The following ZNF275 variants were observed in gnomAD, a reference collection of about 807,000 sequenced individuals.
The protein encoded by ZNF275 is zinc finger protein 275.
A neutral mutation model predicts 4.3 loss-of-function variants in ZNF275; 4 were observed. The observed-to-expected ratio is 0.93, with a 90% CI of 0.46 to 2.13. The LOEUF is 2.13. Among genes scored for constraint, ZNF275 ranks in the 30% most tolerant of loss-of-function variants. The pLI is 0.02. For synonymous variants in ZNF275, 173 were observed against 166.9 expected, an observed-to-expected ratio of 1.04 and a Z score of -0.28; for missense variants, 352 against 397.1, an observed-to-expected ratio of 0.89 and a Z score of 0.97.
chrX:153,336,751 C>T (rs1161353794), intron 2 of ZNF275, 41 bp downstream of exon 2: 15 of 1,155,058 alleles, frequency 1.3e-5, no homozygotes, highest in East Asian at 3.3e-5. Flanking sequence ...CTGGCTTTGA[C>T]GCTGGGCATG....
intron 2 of ZNF275, 75 bp downstream of exon 2, chrX:153,336,785 G>A: frequency 1.9e-6 from 2 of 1,053,078 alleles, no homozygotes; most frequent in African/African-American, 1.9e-5. Flanking sequence ...CTATAGGTGG[G>A]GTTACAACAT....
chrX:153,338,662 GTGTGTGTGTGTGTGT>G (rs2088461647), intron 2 of ZNF275, among the ~76,000 whole-genome samples: 2 of 3,359 alleles, frequency 6.0e-4, no homozygotes, highest in Admixed American at 7.9e-3. Flanking sequence ...TGGGAGGACT[GTGTGTGTGTGTGTGT>G]GTGTGTGTGT....
chrX:153,352,912 A>G lies in ZNF275; in HGVS notation c.*4937A>G, dbSNP rs1372663578. On this transcript the variant is annotated 3_prime_UTR_variant, in exon 4 of 4. Transcript: ENST00000650114. ...TTGCATCAAGTAGATTTCAATAAATATATGTTAAATGGCATTGGTCTTCCT... is the reference window on the plus strand; with the variant it reads ...TTGCATCAAGTAGATTTCAATAAATGTATGTTAAATGGCATTGGTCTTCCT... 2 of 111,708 alleles carry G rather than the reference A, an allele frequency of 1.8e-5. No homozygotes were observed. Among genetic ancestry groups the G allele is most frequent in the Non-Finnish European group, 3.8e-5 (2 of 53,130 alleles). The allele number at this position is 111,708 out of a possible 1,213,427, so 9.2% of individuals were successfully genotyped here.
intron 2 of ZNF275, 27 bp downstream of exon 2, chrX:153,336,737 T>G (rs1405684524): frequency 6.0e-6 from 7 of 1,162,534 alleles, no homozygotes; most frequent in Non-Finnish European, 6.9e-6. Flanking sequence ...ATGCATGGTG[T>G]CTGCTGGCTT....
chrX:153,341,082 T>G (rs960190743), intron 2 of ZNF275, among the ~76,000 whole-genome samples: 3 of 112,430 alleles, frequency 2.7e-5, no homozygotes, highest in Non-Finnish European at 3.8e-5. Context: ...ATTCTCCATC[T>G]GTTTACTTTT....
At position 153,346,948 on chromosome X, in the gene ZNF275, A is replaced by G. The variant is rs1402409837; in HGVS notation, c.263A>G (p.Lys88Arg). Residue 88 changes from lysine to arginine, a missense_variant, in exon 4 of 4, where the codon AAG (lysine) becomes AGG (arginine). Coordinates refer to ENST00000650114, the MANE Select transcript of ZNF275 (RefSeq NM_001367757.1). ...EFRQHGDSDG[K>R]RGSPQNLPIE... is the part of the protein sequence containing the mutation. ...AGACAGCACGGGGACTCTGACGGGA[A>G]GAGAGGGAGCCCACAGAATCTGCCC... 3.3e-6 allele frequency: 4 copies of G among 1,209,885 alleles called. No individual in the cohort carries two copies. The highest frequency in any genetic ancestry group is 4.5e-6 in the Non-Finnish European group (4 of 895,199).
chrX:153,336,496 T>C, intron 1 of ZNF275, 138 bp from the exon 2 acceptor site: 2 of 455,339 alleles, frequency 4.4e-6, no homozygotes, highest in African/African-American at 2.4e-5. Flanking sequence ...CTAGGGTGGA[T>C]CCAGATCGTG....
intron 1 of ZNF275, among the ~76,000 whole-genome samples, chrX:153,335,129 C>T (rs1290096928): frequency 9.2e-6 from 1 of 108,166 alleles, no homozygotes. Context: ...ACACACCCCC[C>T]ACTCGCCTGC....
In ZNF275 at chrX:153,347,855, C is replaced by T. The variant is rs368558325; in HGVS notation, c.1170C>T (p.Ser390=). 3.3e-4 allele frequency: 395 copies of T among 1,203,911 alleles called. No individual in the cohort carries two copies. The highest frequency in any genetic ancestry group is 4.0e-4 in the Non-Finnish European group (361 of 891,617). ...DKCGKAFRRS[S]GLSRHRRIHS... is the part of the protein sequence containing the mutation. ...GCGGCAAGGCCTTCCGCCGGAGCTCCGGCCTCAGTCGCCACCGGCGGATCC... is the reference window on the plus strand; with the variant it reads ...GCGGCAAGGCCTTCCGCCGGAGCTCTGGCCTCAGTCGCCACCGGCGGATCC... The change falls in exon 4 of 4, where the codon TCC becomes TCT. Residue 390 remains serine, a synonymous_variant. Coordinates refer to ENST00000650114, the MANE Select transcript of ZNF275 (RefSeq NM_001367757.1).
At position 153,336,712 on chromosome X, in the gene ZNF275, T is replaced by C. The variant is rs1277621852; in HGVS notation, c.31+2T>C. 1.0e-5 allele frequency: 12 copies of C among 1,165,109 alleles called. No individual in the cohort carries two copies. The highest frequency in any genetic ancestry group is 1.3e-5 in the Non-Finnish European group (11 of 872,318). ...GTCATCCGTGTGTGTCTCTTTTGGGTAAGTCTGGGTGTTTATGCATGGTGT... is the reference window on the plus strand; with the variant it reads ...GTCATCCGTGTGTGTCTCTTTTGGGCAAGTCTGGGTGTTTATGCATGGTGT... On this transcript the variant is annotated splice_donor_variant, in intron 2 of 3. Coordinates refer to ENST00000650114, the MANE Select transcript of ZNF275 (RefSeq NM_001367757.1). LOFTEE classifies it high-confidence loss of function.
chrX:153,347,915 T>A lies in ZNF275; in HGVS notation c.1230T>A (p.Cys410Ter). The A allele has an allele frequency of 8.5e-7, 1 of 1,169,967 alleles. No individual in the cohort carries two copies. Among genetic ancestry groups the A allele is most frequent in the East Asian group, 3.1e-5 (1 of 31,988 alleles). Residue 410 changes from cysteine to a stop codon, truncating the protein, a stop_gained, in exon 4 of 4, where the codon TGT becomes TGA. Coordinates refer to ENST00000650114, the MANE Select transcript of ZNF275 (RefSeq NM_001367757.1). LOFTEE classifies it high-confidence loss of function. ...SGARRCECSQ[C>*]GRVFKRRSAL... ...CGCGGCGCTGCGAATGCAGCCAGTG[T>A]GGCCGCGTGTTCAAGAGGCGCTCGG...
In ZNF275 at chrX:153,347,197, G is replaced by C; in HGVS notation, c.512G>C (p.Arg171Thr). 8.3e-7 allele frequency: 1 copy of C among 1,210,340 alleles called. No individual in the cohort carries two copies. The highest frequency in any genetic ancestry group is 1.1e-6 in the Non-Finnish European group (1 of 894,484). Reference sequence around the variant, plus strand: ...GCCCTGGAGAATGCCGCGGAGAAGAGGGAGCAGATGGAGAGGGAGGCAAAG... The same window carrying C: ...GCCCTGGAGAATGCCGCGGAGAAGACGGAGCAGATGGAGAGGGAGGCAAAG... Reference protein sequence around the residue: ...SRALENAAEKREQMEREAKPF... With the variant: ...SRALENAAEKTEQMEREAKPF... Residue 171 changes from arginine (R) to threonine (T), a missense_variant, in exon 4 of 4, where the codon AGG becomes ACG. By Grantham distance (71) the Arg-to-Thr change is moderately conservative. Coordinates refer to ENST00000650114, the MANE Select transcript of ZNF275 (RefSeq NM_001367757.1).
chrX:153,335,892 T>C (rs926366986), intron 1 of ZNF275, among the ~76,000 whole-genome samples: 1 of 111,647 alleles, frequency 9.0e-6, no homozygotes, highest in African/African-American at 3.3e-5. Context: ...TCTCACCCAG[T>C]GATCCAGCCC....
chrX:153,348,125 C>T lies in ZNF275; in HGVS notation c.*150C>T. 1 of 483,323 alleles carries T rather than the reference C, an allele frequency of 2.1e-6. No individual in the cohort carries two copies. The highest frequency in any genetic ancestry group is 3.0e-6 in the Non-Finnish European group (1 of 330,031). The allele number at this position is 483,323 out of a possible 1,213,427, so 39.8% of individuals were successfully genotyped here. On this transcript the variant is annotated 3_prime_UTR_variant, in exon 4 of 4. Coordinates refer to ENST00000650114, the MANE Select transcript of ZNF275 (RefSeq NM_001367757.1). Reference sequence around the variant, plus strand: ...TGCCACCAGCAATTTATAAGTGTTACGTTATGCCCATCAAGAGTAGCTTGT... The same window carrying T: ...TGCCACCAGCAATTTATAAGTGTTATGTTATGCCCATCAAGAGTAGCTTGT...
At chrX:153,334,515 C>T (rs1024613234) in intron 1 of ZNF275, among the ~76,000 whole-genome samples, 6 of 111,340 alleles carry the variant, frequency 5.4e-5, no homozygotes, top group Non-Finnish European at 1.1e-4. Flanking sequence ...AGCTGCTCGG[C>T]CTTGGGCGGG....
rs2088548759 is a variant in ZNF275, at chrX:153,350,319, CTA to C, written c.*2346_*2347del. On this transcript the variant is annotated 3_prime_UTR_variant, in exon 4 of 4. Transcript: ENST00000650114. ...TAGAAGCTGGCAGCACTGCCCTGGG[CTA>C]TGATTTGCAACAGCCATGCCCAGGA... 1 of 124,014 alleles carries C rather than the reference CTA, an allele frequency of 8.1e-6. No individual in the cohort carries two copies. Among genetic ancestry groups the C allele is most frequent in the Non-Finnish European group, 1.9e-5 (1 of 53,370 alleles). The allele number at this position is 124,014 out of a possible 1,213,427, so 10.2% of individuals were successfully genotyped here. A position where few individuals can be genotyped will look rare whatever the true frequency, so the allele number is the denominator to read the frequency against.
chrX:153,339,975 T>C (rs2088471222), intron 2 of ZNF275, among the ~76,000 whole-genome samples: 1 of 112,174 alleles, frequency 8.9e-6, no homozygotes, highest in Non-Finnish European at 1.9e-5. Context: ...TATCCCCCTC[T>C]ACATTCTGTT....
At position 153,350,734 on chromosome X, in the gene ZNF275, T is replaced by C. The variant is rs1212174492; in HGVS notation, c.*2759T>C. 1 of 124,500 alleles carries C rather than the reference T, an allele frequency of 8.0e-6. No individual in the cohort carries two copies. The highest frequency in any genetic ancestry group is 3.2e-5 in the African/African-American group (1 of 31,210). The allele number at this position is 124,500 out of a possible 1,213,427, so 10.3% of individuals were successfully genotyped here. On this transcript the variant is annotated 3_prime_UTR_variant, in exon 4 of 4. Transcript: ENST00000650114. ...AGAGGAGCCAAAAGCACTTGTTACA[T>C]AGTGATTCCTTTTGCCCTGTGGGCC...
At chrX:153,343,338 T>C (rs1556961173) in intron 2 of ZNF275, 2 of 308,504 alleles carry the variant, frequency 6.5e-6, no homozygotes, top group Non-Finnish European at 1.2e-5. Flanking sequence ...TTGAATTGAA[T>C]TGTCATCACA....
Sources: gnomAD v4.1 joint callset for allele counts (sites outside exome capture counted in the v4.1 genomes callset) on GRCh38, gnomAD v4.1.1 for gene constraint, MANE v1.5 for transcripts, NCBI Gene and HGNC (gene_info 2026-07-23, HGNC 2026-07-21) for gene names.